Variants in CCDC30 observed in about 807,000 individuals in gnomAD.
The protein encoded by CCDC30 is coiled-coil domain-containing protein 30.
Under a neutral mutation model 100.2 loss-of-function variants are expected in CCDC30, and 70 were observed. The observed-to-expected ratio is 0.70, with a 90% CI of 0.58 to 0.85. The LOEUF (loss-of-function observed/expected upper bound fraction) is 0.85, where lower values mean the gene tolerates loss of function less well. Ranked by LOEUF, CCDC30 falls within the 40% of genes least tolerant of loss-of-function variation. CCDC30 has a pLI of 0.00. For synonymous variants in CCDC30, 233 were observed against 269.5 expected (o/e 0.86, Z 1.33); for missense variants, 652 against 771.2 (o/e 0.85, Z 1.83).
intron 15 of CCDC30, among the ~76,000 whole-genome samples, chr1:42,647,613 G>C (rs780102902): frequency 6.6e-6 from 1 of 152,166 alleles, no homozygotes; most frequent in Non-Finnish European, 1.5e-5. Flanking sequence ...CATACCCACT[G>C]TTGCAGAATA....
At chr1:42,482,552 C>G (rs1405792479) in intron 2 of CCDC30, 111 bp from the exon 3 acceptor site, 1 of 554,372 alleles carries the variant, frequency 1.8e-6, no homozygotes, top group East Asian at 3.5e-5. Flanking sequence ...AAGAAATACA[C>G]ATAGATATTG....
At chr1:42,542,460 G>A (rs72659969) in intron 6 of CCDC30, among the ~76,000 whole-genome samples, 20,170 of 150,742 alleles carry the variant, frequency 0.13, 1,548 homozygotes, top group East Asian at 0.18. Context: ...CCTGGCCTCA[G>A]GTGATTGTCC....
At chr1:42,530,238 G>T (rs1217387105) in intron 6 of CCDC30, among the ~76,000 whole-genome samples, 2 of 152,152 alleles carry the variant, frequency 1.3e-5, no homozygotes, top group African/African-American at 4.8e-5. Context: ...TAGGCATTGT[G>T]CCATCTCACA....
intron 6 of CCDC30, among the ~76,000 whole-genome samples, chr1:42,522,223 G>A (rs1268935970): frequency 6.6e-6 from 1 of 151,742 alleles, no homozygotes; most frequent in Non-Finnish European, 1.5e-5. Flanking sequence ...TTCAATCCAG[G>A]GTTGGTTGAA....
the CCDC30 span, chr1:42,457,267 C>T: frequency 1.9e-6 from 3 of 1,614,004 alleles, no homozygotes; most frequent in East Asian, 2.2e-5. Flanking sequence ...GATGTTTTAC[C>T]TGGCTGCGGC....
chr1:42,508,921 T>C (rs1644436524), intron 6 of CCDC30, among the ~76,000 whole-genome samples: 1 of 152,210 alleles, frequency 6.6e-6, no homozygotes, highest in Non-Finnish European at 1.5e-5. Flanking sequence ...TTAATCAAAC[T>C]GAGCACTCTT....
intron 6 of CCDC30, among the ~76,000 whole-genome samples, chr1:42,534,260 T>C (rs1387836066): frequency 6.6e-6 from 1 of 152,110 alleles, no homozygotes; most frequent in African/African-American, 2.4e-5. Flanking sequence ...ATGTTTCTTC[T>C]ACTTTGTACT....
chr1:42,575,040 T>G (rs550113094), intron 7 of CCDC30, among the ~76,000 whole-genome samples: 1 of 152,308 alleles, frequency 6.6e-6, no homozygotes, highest in East Asian at 1.9e-4. Flanking sequence ...TCAAAGTGGT[T>G]GAACACAATT....
At chr1:42,502,477 C>T (rs1644331870) in intron 6 of CCDC30, among the ~76,000 whole-genome samples, 1 of 152,196 alleles carries the variant, frequency 6.6e-6, no homozygotes, top group African/African-American at 2.4e-5. Context: ...TGGGCTGCAC[C>T]CACTGTCTGA....
chr1:42,656,165 G>A (rs1449239340), downstream of CCDC30, among the ~76,000 whole-genome samples: 1 of 152,050 alleles, frequency 6.6e-6, no homozygotes, highest in African/African-American at 2.4e-5. Context: ...CTCTATGCCA[G>A]GCCTGGTTTT....
At chr1:42,503,491 C>T (rs1236750038) in intron 6 of CCDC30, among the ~76,000 whole-genome samples, 2 of 152,156 alleles carry the variant, frequency 1.3e-5, no homozygotes, top group East Asian at 3.9e-4. Flanking sequence ...GAAGGCTTGT[C>T]ACCCCACCCT....
intron 6 of CCDC30, among the ~76,000 whole-genome samples, chr1:42,549,262 T>C (rs556361430): frequency 6.6e-6 from 1 of 152,260 alleles, no homozygotes; most frequent in East Asian, 1.9e-4. Context: ...GGTCCACAGC[T>C]AAAATAAGTT....
chr1:42,575,378 G>A (rs984382745), intron 7 of CCDC30, among the ~76,000 whole-genome samples: 6 of 152,000 alleles, frequency 3.9e-5, no homozygotes, highest in South Asian at 2.1e-4. Context: ...GGCTGGGTGC[G>A]GTGGCTCACA....
intron 11 of CCDC30, among the ~76,000 whole-genome samples, chr1:42,614,315 C>T (rs978116761): frequency 1.6e-4 from 24 of 151,564 alleles, no homozygotes; most frequent in Non-Finnish European, 2.7e-4. Flanking sequence ...CTCCTGACCT[C>T]GTGATCCACC....
chr1:42,578,641 C>G (rs1411359474), intron 8 of CCDC30, among the ~76,000 whole-genome samples: 1 of 151,856 alleles, frequency 6.6e-6, no homozygotes, highest in Non-Finnish European at 1.5e-5. Flanking sequence ...TATATATTAA[C>G]TTCACTTGGA....
intron 4 of CCDC30, chr1:42,492,619 A>G (rs1644161607): frequency 6.6e-6 from 1 of 152,626 alleles, no homozygotes; most frequent in South Asian, 2.1e-4. Context: ...TGGTAACAGA[A>G]GTAGATTCGT....
chr1:42,470,657 A>G (rs187481021), intron 1 of CCDC30, among the ~76,000 whole-genome samples: 45 of 152,352 alleles, frequency 3.0e-4, no homozygotes, highest in Admixed American at 1.7e-3. Context: ...GCGATACAAC[A>G]TGGATGAATC....
chr1:42,536,311 A>G (rs572155595), intron 6 of CCDC30, among the ~76,000 whole-genome samples, 165 bp from the exon 7 acceptor site: 1 of 152,274 alleles, frequency 6.6e-6, no homozygotes, highest in African/African-American at 2.4e-5. Flanking sequence ...TGTGTAAATT[A>G]AGGCTTAGAG....
intron 11 of CCDC30, among the ~76,000 whole-genome samples, chr1:42,634,897 T>G (rs943075317): frequency 4.6e-5 from 7 of 152,178 alleles, no homozygotes; most frequent in African/African-American, 1.4e-4. Context: ...CTACTTTCTT[T>G]CTCTCTAAAT....
Sources: gnomAD v4.1 joint callset for allele counts (sites outside exome capture counted in the v4.1 genomes callset) on GRCh38, gnomAD v4.1.1 for gene constraint, MANE v1.5 for transcripts, NCBI Gene and HGNC (gene_info 2026-07-23, HGNC 2026-07-21) for gene names.